GRIP1: variants seen among roughly 807,000 people sequenced by gnomAD.
The protein encoded by GRIP1 is glutamate receptor interacting protein 1.
Under a neutral mutation model 129.9 loss-of-function variants are expected in GRIP1, and 45 were observed. The observed-to-expected ratio is 0.35, with a 90% CI of 0.27 to 0.44. The LOEUF is 0.44. Among genes scored for constraint, GRIP1 ranks in the 20% least tolerant of loss-of-function variants. The pLI is 1.00. For missense variants in GRIP1, 1,196 were observed against 1,396.8 expected, an observed-to-expected ratio of 0.86 and a Z score of 2.29; for synonymous variants, 530 against 520.8, an observed-to-expected ratio of 1.02 and a Z score of -0.24.
intron 2 of GRIP1, chr12:66,567,611 G>C (rs945640522): frequency 5.1e-6 from 1 of 197,422 alleles, no homozygotes; most frequent in Admixed American, 4.6e-5. Flanking sequence ...TATTTTTTCT[G>C]ATCTTTCAAC....
intron 1 of GRIP1, among the ~76,000 whole-genome samples, chr12:66,715,183 C>T (rs1227165283): frequency 6.6e-6 from 1 of 152,028 alleles, no homozygotes; most frequent in African/African-American, 2.4e-5. Flanking sequence ...AACATTTAAA[C>T]TCTTCAGCAA....
chr12:66,393,999 G>A lies in GRIP1; in HGVS notation c.2129+209C>T, dbSNP rs545765207. ...TTTCAGAGAGTAGTATCAATGCTAA[G>A]CCCAAGACGTCTTTTACTGCCTGTA... is the stretch of plus-strand genomic sequence containing the variant. On this transcript the variant is annotated intron_variant, in intron 17 of 24. Transcript: ENST00000359742. Among the ~76,000 whole-genome samples the A allele has an allele frequency of 4.3e-4, 66 of 152,280 alleles. 1 individual carries two copies. In the South Asian group the frequency reaches 0.013, roughly 30 times the overall value.
rs140115982 is a variant in GRIP1 at position 66,716,604 on chromosome 12, A to T, written c.-419-86268T>A. ...CATGCAGGTTTCTTATCCTTTAAGG[A>T]TTTCCTTAAAGTGGAGGCATGGGTT... On this transcript the variant is annotated intron_variant, in intron 1 of 4. Coordinates refer to the GRIP1 transcript ENST00000538373. 3.4e-3 allele frequency among the ~76,000 whole-genome samples: 510 copies of T among 151,638 alleles called. 1 individual carries two copies. Among genetic ancestry groups the T allele is most frequent in the African/African-American group, 0.012 (480 of 41,330 alleles).
chr12:66,623,896 A>AT (rs2065377423), intron 1 of GRIP1, among the ~76,000 whole-genome samples: 2 of 152,254 alleles, frequency 1.3e-5, no homozygotes, highest in South Asian at 4.1e-4. Flanking sequence ...GAATATATGA[A>AT]TTTTTTCTTT....
At chr12:66,580,257 G>A (rs886831025) in intron 2 of GRIP1, among the ~76,000 whole-genome samples, 3 of 150,688 alleles carry the variant, frequency 2.0e-5, no homozygotes, top group Admixed American at 6.6e-5. Context: ...CCTGAAGGAA[G>A]CACTAAACAT....
chr12:66,476,581 G>T (rs548747036), intron 7 of GRIP1, among the ~76,000 whole-genome samples: 2 of 152,222 alleles, frequency 1.3e-5, no homozygotes, highest in East Asian at 3.9e-4. Flanking sequence ...CAAAAAAAGA[G>T]AATTTTAGAC....
chr12:67,023,086 T>C (rs2042891670), intron 1 of GRIP1, among the ~76,000 whole-genome samples: 1 of 152,214 alleles, frequency 6.6e-6, no homozygotes, highest in Non-Finnish European at 1.5e-5. Flanking sequence ...AATTATTTCC[T>C]CTCAGGTGGT....
At chr12:66,911,795 T>A (rs2041033639) in intron 1 of GRIP1, among the ~76,000 whole-genome samples, 1 of 152,220 alleles carries the variant, frequency 6.6e-6, no homozygotes, top group Non-Finnish European at 1.5e-5. Context: ...TTTGTTGGCA[T>A]GTTCAATGTG....
chr12:67,025,017 T>C lies in GRIP1; in HGVS notation c.58+44033A>G, dbSNP rs1183722118. 2.6e-5 allele frequency among the ~76,000 whole-genome samples: 4 copies of C among 152,202 alleles called. No individual in the cohort carries two copies. In the East Asian group the frequency reaches 5.8e-4, roughly 22 times the overall value. Reference sequence around the variant, plus strand: ...TTGAAAGGGCTCATCTCTACTTAACTATTAGCATAAAACCCTCTATGTAGG... The same window carrying C: ...TTGAAAGGGCTCATCTCTACTTAACCATTAGCATAAAACCCTCTATGTAGG... On this transcript the variant is annotated intron_variant, in intron 1 of 1. Coordinates refer to the GRIP1 transcript ENST00000643019.
At chr12:66,829,397 G>C (rs917219111) in intron 1 of GRIP1, among the ~76,000 whole-genome samples, 6 of 152,252 alleles carry the variant, frequency 3.9e-5, no homozygotes, top group African/African-American at 1.4e-4. Context: ...TTTGAGGTCA[G>C]CTCCATGAAA....
At chr12:66,853,310 C>T (rs1007521079) in intron 1 of GRIP1, among the ~76,000 whole-genome samples, 1 of 151,796 alleles carries the variant, frequency 6.6e-6, no homozygotes, top group African/African-American at 2.4e-5. Context: ...AAGCCTTTAT[C>T]ATCTGTCAGC....
At chr12:66,944,067 A>T (rs147082478) in intron 1 of GRIP1, among the ~76,000 whole-genome samples, 1 of 152,184 alleles carries the variant, frequency 6.6e-6, no homozygotes, top group African/African-American at 2.4e-5. Context: ...ATTAGCATGA[A>T]TTTTTCCAAA....
intron 7 of GRIP1, among the ~76,000 whole-genome samples, chr12:66,497,720 T>C (rs1216516851): frequency 6.6e-6 from 1 of 152,072 alleles, no homozygotes; most frequent in Non-Finnish European, 1.5e-5. Flanking sequence ...GACAAGTGTG[T>C]GGACAGCAAA....
chr12:66,984,917 C>A (rs545650994), intron 1 of GRIP1, among the ~76,000 whole-genome samples: 2 of 152,288 alleles, frequency 1.3e-5, no homozygotes, highest in East Asian at 3.9e-4. Flanking sequence ...CATGAATCTG[C>A]AATCCAGGCA....
At chr12:67,061,991 G>A (rs766311350) in intron 1 of GRIP1, among the ~76,000 whole-genome samples, 7 of 152,024 alleles carry the variant, frequency 4.6e-5, no homozygotes, top group South Asian at 2.1e-4. Flanking sequence ...TCATGTTTCC[G>A]ACATTTACCT....
At chr12:66,856,506 G>T (rs1436443938) in intron 1 of GRIP1, among the ~76,000 whole-genome samples, 1 of 151,964 alleles carries the variant, frequency 6.6e-6, no homozygotes, top group East Asian at 1.9e-4. Context: ...AATCTACAAT[G>T]AACTCAAACA....
chr12:66,785,329 TACATACATACATAC>T (rs1566020979), intron 1 of GRIP1, among the ~76,000 whole-genome samples: 1 of 58,788 alleles, frequency 1.7e-5, no homozygotes, highest in African/African-American at 5.9e-5. Flanking sequence ...CATACATACA[TACATACATACATAC>T]ATATATATAT....
intron 1 of GRIP1, among the ~76,000 whole-genome samples, chr12:66,839,969 G>T (rs540056623): frequency 6.6e-6 from 1 of 152,086 alleles, no homozygotes; most frequent in African/African-American, 2.4e-5. Flanking sequence ...TAATCAATAA[G>T]GTTGCAAATT....
Position 66,609,046 on chromosome 12 carries a change from A to G in GRIP1, c.56-12119T>C, listed in dbSNP as rs562786663. Among the ~76,000 whole-genome samples, 23 of 151,862 alleles carry G rather than the reference A, an allele frequency of 1.5e-4. No homozygotes were observed. In the South Asian group the frequency reaches 3.1e-3, roughly 21 times the overall value. On this transcript the variant is annotated intron_variant, in intron 1 of 24. Coordinates refer to ENST00000359742, the MANE Select transcript of GRIP1 (RefSeq NM_001366722.1). ...TGCTATGCTGTGAACTCCTTTGAGT[A>G]GGGGATTTACTTTTACAATCATGGG...
Sources: gnomAD v4.1 joint callset for allele counts (sites outside exome capture counted in the v4.1 genomes callset) on GRCh38, gnomAD v4.1.1 for gene constraint, MANE v1.5 for transcripts, NCBI Gene and HGNC (gene_info 2026-07-23, HGNC 2026-07-21) for gene names.